The following SENP5 variants were observed in gnomAD, a reference collection of about 807,000 sequenced individuals.
The protein encoded by SENP5 is SUMO specific peptidase 5.
A neutral mutation model predicts 74.2 loss-of-function variants in SENP5; 21 were observed. That is an observed-to-expected ratio of 0.28 (90% CI 0.20 to 0.41). The LOEUF is 0.41. Ranked by LOEUF, SENP5 falls within the 10% of genes least tolerant of loss-of-function variation. SENP5 has a pLI of 1.00. For missense variants in SENP5, 717 were observed against 889.1 expected, an observed-to-expected ratio of 0.81 and a Z score of 2.46; for synonymous variants, 311 against 312.7, an observed-to-expected ratio of 0.99 and a Z score of 0.06.
rs559576563 is a variant in SENP5 at position 196,888,496 on chromosome 3, A to G, written c.1513+1802A>G. Among the ~76,000 whole-genome samples, 3 of 152,088 alleles carry G rather than the reference A, an allele frequency of 2.0e-5. No individual in the cohort carries two copies. In the South Asian group the frequency reaches 6.2e-4, roughly 32 times the overall value. ...TACTTAGGAGGCTGAGGCAGGGAGA[A>G]TCGCTTGAACCTGGGAGGCGGAGGT... On this transcript the variant is annotated intron_variant, in intron 2 of 9. Coordinates refer to ENST00000323460, the MANE Select transcript of SENP5 (RefSeq NM_152699.5).
chr3:196,883,616 C>G (rs1403485565), intron 1 of SENP5, among the ~76,000 whole-genome samples: 5 of 152,146 alleles, frequency 3.3e-5, no homozygotes. Context: ...TTCAACACCA[C>G]CCATACTCCT....
intron 6 of SENP5, chr3:196,914,586 A>AAAAAAAAAAAAAAAATATAT: frequency 3.0e-5 from 1 of 33,510 alleles, no homozygotes; most frequent in African/African-American, 1.8e-4. Context: ...AAAAAAAAAA[A>AAAAAAAAAAAAAAAATATAT]ATATATATAT....
chr3:196,873,069 CTTTTTT>C (rs572160747), intron 1 of SENP5, among the ~76,000 whole-genome samples: 5 of 108,352 alleles, frequency 4.6e-5, no homozygotes, highest in African/African-American at 3.8e-5. Context: ...TGAGATTTAA[CTTTTTT>C]TTTTTTTTTT....
chr3:196,909,605 A>G (rs990881516), intron 6 of SENP5, among the ~76,000 whole-genome samples: 5 of 152,252 alleles, frequency 3.3e-5, no homozygotes, highest in African/African-American at 1.2e-4. Context: ...GGCTGATTCA[A>G]CATATGCAAA....
intron 1 of SENP5, among the ~76,000 whole-genome samples, chr3:196,873,657 G>C (rs1250183406): frequency 6.6e-6 from 1 of 151,410 alleles, no homozygotes. Flanking sequence ...TGGCTAACAC[G>C]GTGAAACCCC....
chr3:196,893,779 A>G (rs1335904582), intron 2 of SENP5, among the ~76,000 whole-genome samples: 2 of 151,998 alleles, frequency 1.3e-5, no homozygotes, highest in African/African-American at 4.8e-5. Flanking sequence ...GCATGGTGGC[A>G]TGCGCCTGTA....
chr3:196,897,044 A>G (rs1028264155), intron 2 of SENP5, among the ~76,000 whole-genome samples: 20 of 152,190 alleles, frequency 1.3e-4, no homozygotes, highest in African/African-American at 2.9e-4. Context: ...TCATTCTACC[A>G]CCAGAAATAA....
chr3:196,914,586 A>AAAATATATATATATATAT, intron 6 of SENP5: 5 of 33,500 alleles, frequency 1.5e-4, no homozygotes, highest in Admixed American at 3.1e-4. Flanking sequence ...AAAAAAAAAA[A>AAAATATATATATATATAT]ATATATATAT....
intron 2 of SENP5, among the ~76,000 whole-genome samples, chr3:196,888,925 G>A (rs772943007): frequency 1.9e-4 from 29 of 151,984 alleles, no homozygotes; most frequent in Non-Finnish European, 3.7e-4. Flanking sequence ...GACCATCCTG[G>A]CTAACATGGT....
At chr3:196,870,765 G>C (rs1030238776) in intron 1 of SENP5, among the ~76,000 whole-genome samples, 3 of 151,888 alleles carry the variant, frequency 2.0e-5, no homozygotes, top group African/African-American at 7.3e-5. Flanking sequence ...TGATCTCTCC[G>C]TCTCAGCCTC....
chr3:196,905,779 A>G (rs2108842452), intron 6 of SENP5, among the ~76,000 whole-genome samples: 1 of 152,210 alleles, frequency 6.6e-6, no homozygotes. Flanking sequence ...TGACTAAACC[A>G]GTGACCATTG....
chr3:196,899,003 C>T (rs1186751670), intron 2 of SENP5, among the ~76,000 whole-genome samples: 3 of 150,220 alleles, frequency 2.0e-5, no homozygotes, highest in East Asian at 3.9e-4. Flanking sequence ...GGCGTGAACC[C>T]GGGAGGTGGA....
chr3:196,929,987 T>TAAAAAAA, intron 9 of SENP5, among the ~76,000 whole-genome samples: 1 of 136,624 alleles, frequency 7.3e-6, no homozygotes, highest in Non-Finnish European at 1.6e-5. Context: ...GGCATTTGCA[T>TAAAAAAA]AAAAAAAAAA....
At chr3:196,930,143 T>C (rs1163975908) in intron 9 of SENP5, among the ~76,000 whole-genome samples, 1 of 147,514 alleles carries the variant, frequency 6.8e-6, no homozygotes, top group African/African-American at 2.7e-5. Context: ...GTTATACATA[T>C]ATTTATGTTG....
intron 1 of SENP5, among the ~76,000 whole-genome samples, chr3:196,874,619 A>G (rs1560137414): frequency 6.6e-6 from 1 of 151,844 alleles, no homozygotes; most frequent in Non-Finnish European, 1.5e-5. Flanking sequence ...AGCTGGGCAC[A>G]CCTGTAATCC....
At chr3:196,881,013 C>T (rs763320519) in intron 1 of SENP5, among the ~76,000 whole-genome samples, 1 of 151,978 alleles carries the variant, frequency 6.6e-6, no homozygotes, top group Non-Finnish European at 1.5e-5. Flanking sequence ...ATGGTGCAAT[C>T]TCAGCTCACT....
chr3:196,918,499 C>T (rs1255975093), intron 6 of SENP5, among the ~76,000 whole-genome samples: 1 of 148,772 alleles, frequency 6.7e-6, no homozygotes, highest in Admixed American at 6.7e-5. Context: ...CATGTAACCT[C>T]AAAACAAAAA....
chr3:196,911,455 G>A (rs1049736204), intron 6 of SENP5, among the ~76,000 whole-genome samples: 9 of 152,070 alleles, frequency 5.9e-5, no homozygotes, highest in African/African-American at 2.2e-4. Flanking sequence ...CTACTCGAGA[G>A]GCTGAGACAG....
chr3:196,918,854 A>AG (rs150640349), intron 6 of SENP5, among the ~76,000 whole-genome samples: 5,060 of 152,254 alleles, frequency 0.033, 297 homozygotes, highest in African/African-American at 0.12. Flanking sequence ...AGCCAAAAAA[A>AG]GAGAGCAGAG....
Sources: allele counts gnomAD v4.1 joint callset (sites outside exome capture counted in the v4.1 genomes callset), GRCh38; gene constraint gnomAD v4.1.1; transcripts MANE v1.5; gene names NCBI Gene and HGNC (gene_info 2026-07-23, HGNC 2026-07-21).